Variants in DPP10 observed in about 807,000 individuals in gnomAD.
DPP10 encodes inactive dipeptidyl peptidase 10.
A neutral mutation model predicts 120.9 loss-of-function variants in DPP10; 33 were observed. The observed-to-expected ratio is 0.27, with a 90% CI of 0.21 to 0.37. DPP10 has a LOEUF of 0.37. Ranked by LOEUF, DPP10 falls within the 10% of genes least tolerant of loss-of-function variation. The pLI is 1.00. For synonymous variants in DPP10, 337 were observed against 326.1 expected, an observed-to-expected ratio of 1.03 and a Z score of -0.36; for missense variants, 816 against 942.8, an observed-to-expected ratio of 0.87 and a Z score of 1.76.
intron 1 of DPP10, among the ~76,000 whole-genome samples, chr2:114,464,550 A>G (rs1320996863): frequency 6.6e-6 from 1 of 152,212 alleles, no homozygotes; most frequent in Non-Finnish European, 1.5e-5. Flanking sequence ...TCTGTGGCTT[A>G]TCTTTTCATT....
At chr2:115,146,481 A>G (rs2051231883) in intron 1 of DPP10, among the ~76,000 whole-genome samples, 1 of 152,094 alleles carries the variant, frequency 6.6e-6, no homozygotes, top group South Asian at 2.1e-4. Flanking sequence ...CATTGAGATT[A>G]TATCTTAAAT....
At chr2:115,133,115 A>ATGTGTGTG (rs1242932823) in intron 1 of DPP10, among the ~76,000 whole-genome samples, 24 of 73,992 alleles carry the variant, frequency 3.2e-4, no homozygotes, top group African/African-American at 1.5e-3. Context: ...ATGTATATGT[A>ATGTGTGTG]TGTGTGTGTG....
At position 114,519,009 on chromosome 2, in the gene DPP10, A is replaced by G. The variant is rs150917283; in HGVS notation, c.60+76171A>G. ...CTTTAACTTAAGACACTGTTTGAAG[A>G]AAAGGTTTGCCTGTGAAAGAGATCG... On this transcript the variant is annotated intron_variant, in intron 1 of 25. Transcript: ENST00000410059. Among the ~76,000 whole-genome samples the G allele has an allele frequency of 8.5e-5, 13 of 152,340 alleles. No individual in the cohort carries two copies. In the East Asian group the frequency reaches 2.5e-3, roughly 29 times the overall value.
At chr2:115,619,452 A>G (rs77336822) in intron 5 of DPP10, among the ~76,000 whole-genome samples, 3,327 of 152,242 alleles carry the variant, frequency 0.022, 51 homozygotes, top group Middle Eastern at 0.037. Flanking sequence ...CACTTTCTAT[A>G]ATAAAAAGTC....
chr2:115,397,414 G>A (rs1030428635), intron 3 of DPP10, among the ~76,000 whole-genome samples: 2 of 152,022 alleles, frequency 1.3e-5, no homozygotes, highest in African/African-American at 2.4e-5. Context: ...AATATATTTT[G>A]CATTTCTTAG....
intron 5 of DPP10, among the ~76,000 whole-genome samples, chr2:115,590,126 T>A (rs2082542975): frequency 6.8e-6 from 1 of 147,690 alleles, no homozygotes; most frequent in African/African-American, 2.5e-5. Context: ...CTTTTTTTTT[T>A]TTCCCCCATA....
At chr2:114,473,454 C>T (rs1680105672) in intron 1 of DPP10, among the ~76,000 whole-genome samples, 1 of 152,194 alleles carries the variant, frequency 6.6e-6, no homozygotes, top group Non-Finnish European at 1.5e-5. Context: ...GCTGAAATGG[C>T]TTGTTTTTCC....
chr2:115,447,084 G>T (rs2072671528), intron 3 of DPP10, among the ~76,000 whole-genome samples: 1 of 152,172 alleles, frequency 6.6e-6, no homozygotes, highest in Non-Finnish European at 1.5e-5. Flanking sequence ...CACAGTGGTG[G>T]ATCTGCCCAA....
intron 1 of DPP10, among the ~76,000 whole-genome samples, chr2:114,933,266 T>G (rs952423887): frequency 1.3e-5 from 2 of 152,228 alleles, no homozygotes; most frequent in African/African-American, 4.8e-5. Flanking sequence ...CTTGCCTTCA[T>G]CATTTTCTTA....
At chr2:115,053,290 AG>A (rs1475978238) in intron 1 of DPP10, among the ~76,000 whole-genome samples, 1 of 152,234 alleles carries the variant, frequency 6.6e-6, no homozygotes, top group Non-Finnish European at 1.5e-5. Context: ...AGCCACAAAA[AG>A]CAACACAGTA....
intron 1 of DPP10, among the ~76,000 whole-genome samples, chr2:114,798,347 T>C (rs1683892895): frequency 6.6e-6 from 1 of 152,186 alleles, no homozygotes; most frequent in Non-Finnish European, 1.5e-5. Context: ...CAGAAGGTGG[T>C]ATACTAGAAA....
chr2:115,149,326 T>C (rs147644004), intron 1 of DPP10, among the ~76,000 whole-genome samples: 4 of 152,246 alleles, frequency 2.6e-5, no homozygotes, highest in Non-Finnish European at 4.4e-5. Context: ...TAATTTCATA[T>C]GTAAGGTAAT....
chr2:115,738,257 A>G (rs1199581504), intron 8 of DPP10, among the ~76,000 whole-genome samples: 3 of 152,196 alleles, frequency 2.0e-5, no homozygotes, highest in Non-Finnish European at 4.4e-5. Context: ...CTGCAACTAC[A>G]GAAGAGATGG....
chr2:114,830,002 A>C (rs1221355740), intron 1 of DPP10, among the ~76,000 whole-genome samples: 1 of 151,938 alleles, frequency 6.6e-6, no homozygotes, highest in Non-Finnish European at 1.5e-5. Flanking sequence ...CCCTGGGCCT[A>C]CTGACTCCTG....
intron 7 of DPP10, among the ~76,000 whole-genome samples, chr2:115,712,038 G>A (rs1393444589): frequency 6.6e-6 from 1 of 150,984 alleles, no homozygotes; most frequent in East Asian, 1.9e-4. Context: ...CTGGGGCAGG[G>A]GAGGGATGGT....
At chr2:114,649,162 A>G (rs1696374049) in intron 1 of DPP10, among the ~76,000 whole-genome samples, 1 of 152,190 alleles carries the variant, frequency 6.6e-6, no homozygotes, top group Admixed American at 6.5e-5. Flanking sequence ...AAACTGTGGT[A>G]CTTGTTATTA....
At chr2:114,605,228 A>G (rs1456516926) in intron 1 of DPP10, among the ~76,000 whole-genome samples, 2 of 152,056 alleles carry the variant, frequency 1.3e-5, no homozygotes, top group Non-Finnish European at 2.9e-5. Context: ...GCATCTAAGA[A>G]CAAGGGCAAA....
At chr2:115,665,460 G>A (rs1243363046) in intron 5 of DPP10, among the ~76,000 whole-genome samples, 1 of 152,032 alleles carries the variant, frequency 6.6e-6, no homozygotes, top group African/African-American at 2.4e-5. Context: ...GTGCACCTTA[G>A]GTTTATTGAA....
intron 1 of DPP10, among the ~76,000 whole-genome samples, chr2:114,663,889 T>A (rs1400472442): frequency 6.6e-6 from 1 of 151,004 alleles, no homozygotes; most frequent in Non-Finnish European, 1.5e-5. Flanking sequence ...ATGTAGAACA[T>A]CACCCTTAAC....
Sources: gnomAD v4.1 joint callset for allele counts (sites outside exome capture counted in the v4.1 genomes callset) on GRCh38, gnomAD v4.1.1 for gene constraint, MANE v1.5 for transcripts, NCBI Gene and HGNC (gene_info 2026-07-23, HGNC 2026-07-21) for gene names.